The following TENM2 variants were observed in gnomAD, a reference collection of about 807,000 sequenced individuals.
The protein encoded by TENM2 is teneurin transmembrane protein 2, also known as teneurin-2.
A neutral mutation model predicts 245.2 loss-of-function variants in TENM2; 52 were observed. The ratio of observed to expected loss-of-function variants is 0.21; its 90% CI spans 0.17 to 0.27. TENM2 has a LOEUF of 0.27. TENM2 is among the 10% of genes least tolerant of loss of function. The probability of loss-of-function intolerance (pLI) is 1.00; values close to 1 mark genes in which losing one functional copy is unlikely to be tolerated. For synonymous variants in TENM2, 1,363 were observed against 1,438.9 expected, an observed-to-expected ratio of 0.95 and a Z score of 1.19; for missense variants, 3,046 against 3,666.8, an observed-to-expected ratio of 0.83 and a Z score of 4.37.
At chr5:167,525,413 G>A (rs1469220037) in intron 2 of TENM2, among the ~76,000 whole-genome samples, 1 of 152,214 alleles carries the variant, frequency 6.6e-6, no homozygotes, top group East Asian at 1.9e-4. Flanking sequence ...GAGGCTCCAC[G>A]TACCAACCTA....
chr5:167,286,601 G>A (rs1761029928), intron 1 of TENM2, among the ~76,000 whole-genome samples: 2 of 152,188 alleles, frequency 1.3e-5, no homozygotes, highest in South Asian at 4.1e-4. Flanking sequence ...GGTGATGCAC[G>A]TTCAACGTGG....
At chr5:168,160,449 T>C (rs1299568399) in intron 12 of TENM2, among the ~76,000 whole-genome samples, 1 of 152,210 alleles carries the variant, frequency 6.6e-6, no homozygotes, top group East Asian at 1.9e-4. Flanking sequence ...GTGCTTTACT[T>C]GCCTGCTGGA....
At chr5:167,269,560 G>C in the TENM2 span, among the ~76,000 whole-genome samples, 1 of 136,630 alleles carries the variant, frequency 7.3e-6, no homozygotes, top group South Asian at 2.4e-4. Context: ...CACACAATCA[G>C]ATTCATAACA....
intron 4 of TENM2, among the ~76,000 whole-genome samples, chr5:167,978,266 G>T (rs1442973995): frequency 6.6e-6 from 1 of 152,136 alleles, no homozygotes; most frequent in African/African-American, 2.4e-5. Context: ...TCCTCTCCTA[G>T]GGAGATCCCC....
At chr5:167,451,365 A>G (rs1765572874) in intron 2 of TENM2, among the ~76,000 whole-genome samples, 1 of 152,148 alleles carries the variant, frequency 6.6e-6, no homozygotes, top group African/African-American at 2.4e-5. Flanking sequence ...AGCGATTGAA[A>G]ACGATGCAAA....
the TENM2 span, among the ~76,000 whole-genome samples, chr5:167,127,395 T>G: frequency 6.6e-6 from 1 of 152,162 alleles, no homozygotes; most frequent in Non-Finnish European, 1.5e-5. Flanking sequence ...ATTTTCAAAT[T>G]AATAGTTTGG....
rs1247354049 is a variant in TENM2 at position 168,137,625 on chromosome 5, A to T, written c.2422+10659A>T. On this transcript the variant is annotated intron_variant, in intron 12 of 28. Coordinates refer to ENST00000518659, the Ensembl canonical transcript of TENM2. ...AACAGGGCAAGGAGATTGTTTCCCTATATTAGGTGTGTGTGAGCCCAGAAA... is the reference window on the plus strand; with the variant it reads ...AACAGGGCAAGGAGATTGTTTCCCTTTATTAGGTGTGTGTGAGCCCAGAAA... Among the ~76,000 whole-genome samples the T allele has an allele frequency of 5.9e-5, 9 of 152,328 alleles. No individual in the cohort carries two copies. The East Asian group carries it at 1.7e-3, about 29-fold the overall frequency.
the TENM2 span, among the ~76,000 whole-genome samples, chr5:167,095,845 A>T: frequency 6.8e-6 from 1 of 146,788 alleles, no homozygotes; most frequent in Non-Finnish European, 1.5e-5. Flanking sequence ...ATCTCGGCTC[A>T]CTGCAACCTT....
intron 2 of TENM2, among the ~76,000 whole-genome samples, chr5:167,569,563 G>A (rs1327057163): frequency 1.3e-5 from 2 of 152,154 alleles, no homozygotes; most frequent in Non-Finnish European, 2.9e-5. Context: ...CTCCTTGTGT[G>A]ATGTCGGGTA....
At chr5:167,598,027 T>A (rs1776344314) in intron 2 of TENM2, among the ~76,000 whole-genome samples, 1 of 152,188 alleles carries the variant, frequency 6.6e-6, no homozygotes, top group African/African-American at 2.4e-5. Flanking sequence ...TTTAGCTGCA[T>A]TAACCCTTCT....
At chr5:167,670,968 CCT>C (rs752604200) in intron 2 of TENM2, among the ~76,000 whole-genome samples, 8 of 152,078 alleles carry the variant, frequency 5.3e-5, no homozygotes, top group Non-Finnish European at 1.0e-4. Flanking sequence ...TATGAAGTCC[CCT>C]GTCACCAAAT....
chr5:167,185,823 C>T, the TENM2 span, among the ~76,000 whole-genome samples: 16 of 152,026 alleles, frequency 1.1e-4, no homozygotes, highest in African/African-American at 3.9e-4. Context: ...TTTGCGGGGA[C>T]AGGAGACAAA....
intron 4 of TENM2, among the ~76,000 whole-genome samples, chr5:167,987,859 A>G (rs976742960): frequency 1.3e-5 from 2 of 152,226 alleles, no homozygotes; most frequent in Non-Finnish European, 2.9e-5. Flanking sequence ...TTAATCTTCT[A>G]AAGATTAGTG....
intron 2 of TENM2, among the ~76,000 whole-genome samples, chr5:167,535,755 C>G (rs867778884): frequency 6.6e-6 from 1 of 152,294 alleles, no homozygotes; most frequent in South Asian, 2.1e-4. Flanking sequence ...GACTTCCCAG[C>G]CACCAGAACT....
At chr5:167,632,598 T>C (rs1203896980) in intron 2 of TENM2, among the ~76,000 whole-genome samples, 1 of 152,174 alleles carries the variant, frequency 6.6e-6, no homozygotes, top group Non-Finnish European at 1.5e-5. Context: ...GTTTGTTTAT[T>C]TTGTTGCTTT....
At chr5:167,490,791 A>G (rs941399333) in intron 2 of TENM2, among the ~76,000 whole-genome samples, 1 of 152,202 alleles carries the variant, frequency 6.6e-6, no homozygotes, top group African/African-American at 2.4e-5. Context: ...AAGCCTCTCT[A>G]CTGCAAGTGA....
rs115839558 is a variant in TENM2 at position 168,261,769 on chromosome 5, A to T, written c.7564-280A>T. Among the ~76,000 whole-genome samples the T allele has an allele frequency of 9.3e-3, 1,411 of 151,598 alleles. 25 individuals are homozygous for T. Among genetic ancestry groups the T allele is most frequent in the African/African-American group, 0.033 (1,348 of 41,290 alleles). On this transcript the variant is annotated intron_variant, in intron 28 of 28. Coordinates refer to ENST00000518659, the Ensembl canonical transcript of TENM2. ...TAGGTCCAGGTGCCCATGCCAGCAA[A>T]GGGTGAACCTCCTTTACCATTTTTT...
At chr5:167,100,610 A>G in the TENM2 span, among the ~76,000 whole-genome samples, 1 of 151,736 alleles carries the variant, frequency 6.6e-6, no homozygotes, top group Non-Finnish European at 1.5e-5. Flanking sequence ...TCCCTTTTCC[A>G]TCTTTCTTGC....
At chr5:167,809,717 G>A (rs1766489611) in intron 2 of TENM2, among the ~76,000 whole-genome samples, 1 of 152,064 alleles carries the variant, frequency 6.6e-6, no homozygotes, top group Non-Finnish European at 1.5e-5. Context: ...TCCTTGAGTG[G>A]AGGCAAAGTG....
Sources: allele counts gnomAD v4.1 joint callset (sites outside exome capture counted in the v4.1 genomes callset), GRCh38; gene constraint gnomAD v4.1.1; transcripts MANE v1.5; gene names NCBI Gene and HGNC (gene_info 2026-07-23, HGNC 2026-07-21).